TOX2: variants seen among roughly 807,000 people sequenced by gnomAD.
The protein encoded by TOX2 is granulosa cell HMG box 1.
Under a neutral mutation model 47.4 loss-of-function variants are expected in TOX2, and 15 were observed. That is an observed-to-expected ratio of 0.32 (90% confidence interval 0.21 to 0.49). TOX2 has a LOEUF of 0.49. Ranked by LOEUF, TOX2 falls within the 20% of genes least tolerant of loss-of-function variation. The pLI is 0.99. For synonymous variants in TOX2, 290 were observed against 296.6 expected (o/e 0.98, Z 0.23); for missense variants, 622 against 673.1 (o/e 0.92, Z 0.84).
chr20:44,048,388 T>TTTTA (rs1555845973), intron 3 of TOX2, among the ~76,000 whole-genome samples: 4 of 86,850 alleles, frequency 4.6e-5, no homozygotes, highest in Admixed American at 3.5e-4. Flanking sequence ...TAAAATGAAT[T>TTTTA]TATATATATA....
chr20:44,025,270 G>T (rs1483453920), intron 3 of TOX2, among the ~76,000 whole-genome samples: 1 of 151,982 alleles, frequency 6.6e-6, no homozygotes, highest in Non-Finnish European at 1.5e-5. Context: ...GCCCCCAGGG[G>T]TGTTCTGGAG....
chr20:43,927,282 T>G (rs2145839185), intron 1 of TOX2, among the ~76,000 whole-genome samples: 1 of 152,290 alleles, frequency 6.6e-6, no homozygotes, highest in Non-Finnish European at 1.5e-5. Flanking sequence ...GCTCCGCAAT[T>G]AACAAAGGTG....
intron 1 of TOX2, among the ~76,000 whole-genome samples, chr20:43,935,321 T>G (rs1446300022): frequency 6.6e-6 from 1 of 152,224 alleles, no homozygotes; most frequent in Non-Finnish European, 1.5e-5. Flanking sequence ...GGATGTTATA[T>G]AAGCTATAGT....
At chr20:44,046,171 C>A (rs191411508) in intron 3 of TOX2, among the ~76,000 whole-genome samples, 216 of 152,196 alleles carry the variant, frequency 1.4e-3, no homozygotes, top group African/African-American at 4.8e-3. Context: ...ACAGTGAAAA[C>A]TTAGAGTGAT....
At chr20:43,926,532 C>T (rs1051131342) in intron 1 of TOX2, among the ~76,000 whole-genome samples, 1 of 152,156 alleles carries the variant, frequency 6.6e-6, no homozygotes, top group Non-Finnish European at 1.5e-5. Context: ...CTCATTTCTT[C>T]CTCCAGGCAC....
intron 5 of TOX2, among the ~76,000 whole-genome samples, chr20:44,059,205 A>G (rs1340482077): frequency 1.3e-5 from 2 of 152,244 alleles, no homozygotes; most frequent in Admixed American, 1.3e-4. Flanking sequence ...AATGAAGGAC[A>G]CACTTAGAGA....
In TOX2 at chr20:43,918,442, G is replaced by A. The variant is rs556397164; in HGVS notation, c.99+3452G>A. Among the ~76,000 whole-genome samples, 4 of 152,268 alleles carry A rather than the reference G, an allele frequency of 2.6e-5. No homozygotes were observed. The East Asian group carries it at 7.7e-4, about 29-fold the overall frequency. ...ATAGAGAACATTTCCGTCATCCCAG[G>A]AAGTTCCCTCACATCCCTTTATAGA... On this transcript the variant is annotated intron_variant, in intron 1 of 8. Coordinates refer to ENST00000341197, the MANE Select transcript of TOX2 (RefSeq NM_001098797.2).
At chr20:43,952,209 A>AT (rs202135247) in intron 1 of TOX2, among the ~76,000 whole-genome samples, 7 of 150,908 alleles carry the variant, frequency 4.6e-5, no homozygotes, top group South Asian at 4.2e-4. Context: ...CAGAAAAGTA[A>AT]TTTTTTTTTC....
intron 3 of TOX2, among the ~76,000 whole-genome samples, chr20:44,022,293 T>C (rs1360702616): frequency 6.6e-6 from 1 of 152,160 alleles, no homozygotes; most frequent in Non-Finnish European, 1.5e-5. Context: ...ACCCAGGCCC[T>C]CTGAACTTTA....
intron 3 of TOX2, among the ~76,000 whole-genome samples, chr20:44,034,868 G>A (rs1234825079): frequency 6.6e-6 from 1 of 152,110 alleles, no homozygotes; most frequent in East Asian, 1.9e-4. Flanking sequence ...CACCCTGTTG[G>A]CTCCCAAAAC....
chr20:44,044,302 G>A (rs1438718746), intron 3 of TOX2, among the ~76,000 whole-genome samples: 1 of 152,016 alleles, frequency 6.6e-6, no homozygotes, highest in Non-Finnish European at 1.5e-5. Context: ...GGGAGGGATA[G>A]CATGAGGAGA....
chr20:44,061,165 T>C (rs2071712036), intron 5 of TOX2, among the ~76,000 whole-genome samples: 1 of 152,150 alleles, frequency 6.6e-6, no homozygotes, highest in East Asian at 1.9e-4. Flanking sequence ...ATGGATAAAT[T>C]CCTGGAAATA....
chr20:44,016,656 C>T (rs1165866439), intron 3 of TOX2, among the ~76,000 whole-genome samples: 1 of 152,098 alleles, frequency 6.6e-6, no homozygotes, highest in Non-Finnish European at 1.5e-5. Context: ...GCCAAACATC[C>T]CCTGGGAGCA....
chr20:43,973,387 C>T lies in TOX2; in HGVS notation c.120C>T (p.Tyr40=), dbSNP rs139642585. The T allele has an allele frequency of 1.3e-4, 202 of 1,614,132 alleles. 1 individual carries two copies. In the African/African-American group the frequency reaches 1.7e-3, roughly 14 times the overall value. Residue 40 remains tyrosine, a synonymous_variant, in exon 2 of 9, where the codon TAC becomes TAT. Coordinates refer to ENST00000341197, the MANE Select transcript of TOX2 (RefSeq NM_001098797.2). The part of the protein sequence containing the change: ...HGGKFDGDSA[Y]VGMSDGNPEL... ...TCTAGTTTGATGGTGACAGTGCCTACGTGGGGATGAGTGACGGAAACCCAG... is the reference window on the plus strand; with the variant it reads ...TCTAGTTTGATGGTGACAGTGCCTATGTGGGGATGAGTGACGGAAACCCAG...
At chr20:44,027,474 A>G (rs1446507669) in intron 3 of TOX2, among the ~76,000 whole-genome samples, 1 of 152,188 alleles carries the variant, frequency 6.6e-6, no homozygotes, top group Non-Finnish European at 1.5e-5. Flanking sequence ...CCTCTCCGCC[A>G]TAGCCTGTGC....
At chr20:43,923,027 C>CAG (rs3037457) in intron 1 of TOX2, among the ~76,000 whole-genome samples, 98,142 of 151,778 alleles carry the variant, frequency 0.65, 33,961 homozygotes, top group East Asian at 0.81. Flanking sequence ...TTCACAATGG[C>CAG]AGTCTTACAG....
intron 1 of TOX2, among the ~76,000 whole-genome samples, chr20:43,922,460 C>G (rs6093893): frequency 0.19 from 29,056 of 152,108 alleles, 4,981 homozygotes; most frequent in African/African-American, 0.46. Flanking sequence ...CCACAGCAGG[C>G]ACCGTGCTTT....
chr20:44,001,326 C>T (rs2070578736), intron 2 of TOX2, among the ~76,000 whole-genome samples: 1 of 152,184 alleles, frequency 6.6e-6, no homozygotes, highest in Non-Finnish European at 1.5e-5. Context: ...AATCACTTCT[C>T]TACAGAACAC....
chr20:43,948,870 A>G (rs894987442), intron 1 of TOX2, among the ~76,000 whole-genome samples: 4 of 152,182 alleles, frequency 2.6e-5, no homozygotes, highest in African/African-American at 9.7e-5. Context: ...CTGGAGTAGC[A>G]ATTGGGTGGA....
Sources: allele counts gnomAD v4.1 joint callset (sites outside exome capture counted in the v4.1 genomes callset), GRCh38; gene constraint gnomAD v4.1.1; transcripts MANE v1.5; gene names NCBI Gene and HGNC (gene_info 2026-07-23, HGNC 2026-07-21).